OPHN1: variants seen among roughly 807,000 people sequenced by gnomAD.
OPHN1 encodes oligophrenin 1, also known as oligophrenin-1.
OPHN1 carries 11 observed loss-of-function variants against 60.7 expected under a neutral mutation model. That is an observed-to-expected ratio of 0.18 (90% CI 0.11 to 0.30). OPHN1 has a LOEUF of 0.30. Ranked by LOEUF, OPHN1 falls within the 10% of genes least tolerant of loss-of-function variation. The pLI, the probability that OPHN1 is intolerant of heterozygous loss-of-function variation, is 1.00. For synonymous variants in OPHN1, 226 were observed against 222.6 expected, an observed-to-expected ratio of 1.02 and a Z score of -0.14; for missense variants, 449 against 611.0, an observed-to-expected ratio of 0.73 and a Z score of 2.80.
chrX:68,255,420 C>T (rs957824027), intron 5 of OPHN1, among the ~76,000 whole-genome samples: 1 of 112,501 alleles, frequency 8.9e-6, no homozygotes, highest in Admixed American at 9.4e-5. Context: ...GGCCATGCCA[C>T]GGTACCTAAA....
intron 16 of OPHN1, among the ~76,000 whole-genome samples, chrX:68,117,689 G>A (rs192184563): frequency 8.9e-6 from 1 of 111,861 alleles, no homozygotes; most frequent in Non-Finnish European, 1.9e-5. Flanking sequence ...AGAGATAAGG[G>A]GTGATTTAGT....
chrX:68,111,188 A>G (rs1287090454), intron 18 of OPHN1, among the ~76,000 whole-genome samples: 3 of 112,461 alleles, frequency 2.7e-5, no homozygotes, highest in East Asian at 5.6e-4. Flanking sequence ...AGCAGAAATG[A>G]AACTAGAGCC....
chrX:68,385,297 T>C (rs959733663), intron 2 of OPHN1, among the ~76,000 whole-genome samples: 132 of 110,905 alleles, frequency 1.2e-3, no homozygotes, highest in African/African-American at 4.1e-3. Flanking sequence ...AGATGCAGAG[T>C]TGATTTTGCT....
rs2078894690 is a variant in OPHN1, at chrX:68,433,167, C to T, written c.-5+1G>A. On this transcript the variant is annotated splice_donor_variant, in intron 1 of 24. Transcript: ENST00000355520. LOFTEE classifies it low-confidence loss of function (5UTR_SPLICE). ...CCTCCGTCCCTTTGGAGGACAGGTA[C>T]CTGTTTCAGTGAGACTCCTGAGGAG... 5.0e-6 allele frequency: 3 copies of T among 604,951 alleles called. No homozygotes were observed. The highest frequency in any genetic ancestry group is 7.5e-6 in the Non-Finnish European group (3 of 401,692). The allele number at this position is 604,951 out of a possible 1,213,427, so 49.9% of individuals were successfully genotyped here. A position where few individuals can be genotyped will look rare whatever the true frequency, so the allele number is the denominator to read the frequency against.
At position 68,354,895 on chromosome X, in the gene OPHN1, C is replaced by A. The variant is rs921272909; in HGVS notation, c.155-55799G>T. On this transcript the variant is annotated intron_variant, in intron 2 of 24. Transcript: ENST00000355520. ...TCCCTAATTATTTCCTATCTGCAGT[C>A]AAATATTCTTTCTGATTTTATGAGT... Among the ~76,000 whole-genome samples the A allele has an allele frequency of 5.4e-5, 6 of 111,887 alleles. No individual in the cohort carries two copies. The East Asian group carries it at 1.7e-3, about 31-fold the overall frequency.
At chrX:68,316,419 C>T (rs1218763303) in intron 2 of OPHN1, among the ~76,000 whole-genome samples, 1 of 111,984 alleles carries the variant, frequency 8.9e-6, no homozygotes, top group Non-Finnish European at 1.9e-5. Flanking sequence ...TATTAGTTTT[C>T]TATTCGCTGC....
At chrX:68,226,964 TTGTGCTGTATTCAGGAGACCCATCAG>T (rs1326163727) in intron 6 of OPHN1, among the ~76,000 whole-genome samples, 1 of 111,372 alleles carries the variant, frequency 9.0e-6, no homozygotes, top group African/African-American at 3.3e-5. Context: ...AGTCCCATCA[TTGTGCTGTATTCAGGAGACCCATCAG>T]TGTGCTGTAT....
intron 20 of OPHN1, chrX:68,071,864 A>G (rs1321232140): frequency 1.8e-5 from 6 of 330,379 alleles, no homozygotes; most frequent in Admixed American, 1.4e-4. Context: ...CCATATTTTA[A>G]AGGATGTGCT....
chrX:68,252,202 T>C (rs906400096), intron 5 of OPHN1, among the ~76,000 whole-genome samples: 1 of 111,815 alleles, frequency 8.9e-6, no homozygotes, highest in Non-Finnish European at 1.9e-5. Flanking sequence ...TCGAACCTAA[T>C]TGAAAAAAAA....
chrX:68,153,939 A>G (rs7876214), intron 15 of OPHN1, among the ~76,000 whole-genome samples: 17,931 of 111,216 alleles, frequency 0.16, 1,315 homozygotes, highest in East Asian at 0.44. Context: ...TTTCAAAATT[A>G]TATGTATACA....
At chrX:68,281,420 T>C (rs775664053) in intron 4 of OPHN1, among the ~76,000 whole-genome samples, 1 of 112,067 alleles carries the variant, frequency 8.9e-6, no homozygotes, top group Non-Finnish European at 1.9e-5. Context: ...TAAAAATTAA[T>C]TCAAAATGAA....
intron 15 of OPHN1, among the ~76,000 whole-genome samples, chrX:68,187,604 C>T (rs372168855): frequency 4.4e-4 from 48 of 109,947 alleles, no homozygotes; most frequent in African/African-American, 1.4e-3. Flanking sequence ...AGGATAAATT[C>T]GTATTGGTTT....
At chrX:68,357,597 G>T (rs770609931) in intron 2 of OPHN1, among the ~76,000 whole-genome samples, 73 of 110,924 alleles carry the variant, frequency 6.6e-4, no homozygotes, top group South Asian at 1.9e-3. Flanking sequence ...ATTTTTTATG[G>T]CTGCATAGTA....
intron 2 of OPHN1, among the ~76,000 whole-genome samples, chrX:68,414,712 A>G (rs1385688567): frequency 9.0e-6 from 1 of 111,697 alleles, no homozygotes; most frequent in Non-Finnish European, 1.9e-5. Flanking sequence ...CAGATAGTAA[A>G]TAGGGAATTC....
chrX:68,072,242 T>C (rs2076937640), intron 20 of OPHN1, among the ~76,000 whole-genome samples: 1 of 112,035 alleles, frequency 8.9e-6, no homozygotes, highest in Admixed American at 9.5e-5. Flanking sequence ...AGCAGGAAAT[T>C]TGATATGACA....
At chrX:68,379,149 G>C (rs746047996) in intron 2 of OPHN1, among the ~76,000 whole-genome samples, 17 of 110,742 alleles carry the variant, frequency 1.5e-4, no homozygotes, top group East Asian at 2.8e-4. Context: ...GGTCCTTCAC[G>C]TCCCTTGTAA....
At chrX:68,105,086 G>A (rs1169381170) in intron 18 of OPHN1, among the ~76,000 whole-genome samples, 1 of 111,853 alleles carries the variant, frequency 8.9e-6, no homozygotes, top group Non-Finnish European at 1.9e-5. Context: ...TTAGAGAAAT[G>A]CAAATCAAAA....
chrX:68,386,094 T>C (rs976533858), intron 2 of OPHN1, among the ~76,000 whole-genome samples: 3 of 112,198 alleles, frequency 2.7e-5, no homozygotes, highest in Non-Finnish European at 3.8e-5. Flanking sequence ...TTAGAAACAA[T>C]GAACCCTTTC....
intron 2 of OPHN1, among the ~76,000 whole-genome samples, chrX:68,313,232 T>G (rs2078182675): frequency 8.9e-6 from 1 of 111,910 alleles, no homozygotes; most frequent in South Asian, 3.7e-4. Context: ...GAATGTAAAT[T>G]AGTACAACCA....
Sources: allele counts gnomAD v4.1 joint callset (sites outside exome capture counted in the v4.1 genomes callset), GRCh38; gene constraint gnomAD v4.1.1; transcripts MANE v1.5; gene names NCBI Gene and HGNC (gene_info 2026-07-23, HGNC 2026-07-21).